Variants in ERC2 observed in about 807,000 individuals in gnomAD.
The protein encoded by ERC2 is ELKS/RAB6-interacting/CAST family member 2.
ERC2 carries 42 observed loss-of-function variants against 114.8 expected under a neutral mutation model. The observed-to-expected ratio is 0.37, with a 90% confidence interval of 0.29 to 0.47. ERC2 has a LOEUF of 0.47. Among genes scored for constraint, ERC2 ranks in the 20% least tolerant of loss-of-function variants. The probability of loss-of-function intolerance (pLI) is 0.99; values close to 1 mark genes in which losing one functional copy is unlikely to be tolerated. For missense variants in ERC2, 939 were observed against 1,150.7 expected, an observed-to-expected ratio of 0.82 and a Z score of 2.66; for synonymous variants, 454 against 425.5, an observed-to-expected ratio of 1.07 and a Z score of -0.82.
At chr3:55,769,543 A>C (rs182607787) in intron 14 of ERC2, among the ~76,000 whole-genome samples, 1 of 152,278 alleles carries the variant, frequency 6.6e-6, no homozygotes, top group Non-Finnish European at 1.5e-5. Flanking sequence ...AGACGATGTT[A>C]GATAATGAAT....
Position 56,173,528 on chromosome 3 carries a change from G to A in ERC2, c.1075-8C>T, listed in dbSNP as rs771492432. On this transcript the variant is annotated splice_region_variant and splice_polypyrimidine_tract_variant and intron_variant, in intron 3 of 17. Coordinates refer to ENST00000288221, the MANE Select transcript of ERC2 (RefSeq NM_015576.3). The stretch of plus-strand genomic sequence containing the variant: ...GCTTCTTCGGTGCAATTCCTGGGGA[G>A]GAACACGATAGAAATAAGCCTGACG... The A allele has an allele frequency of 6.2e-7, 1 of 1,613,458 alleles. No individual in the cohort carries two copies. Among genetic ancestry groups the A allele is most frequent in the South Asian group, 1.1e-5 (1 of 91,060 alleles).
At chr3:55,875,884 AG>A (rs1282822607) in intron 14 of ERC2, among the ~76,000 whole-genome samples, 1 of 152,118 alleles carries the variant, frequency 6.6e-6, no homozygotes, top group Non-Finnish European at 1.5e-5. Flanking sequence ...GGGATAGGAA[AG>A]GGGGAAAAAA....
chr3:55,777,132 TC>T (rs2149041365), intron 14 of ERC2, among the ~76,000 whole-genome samples: 1 of 152,272 alleles, frequency 6.6e-6, no homozygotes, highest in East Asian at 1.9e-4. Context: ...ATATGATTTC[TC>T]CTCAGGGACA....
At chr3:55,548,280 T>C (rs2054899837) in intron 17 of ERC2, among the ~76,000 whole-genome samples, 1 of 152,264 alleles carries the variant, frequency 6.6e-6, no homozygotes, top group Non-Finnish European at 1.5e-5. Context: ...AAGGACCTAG[T>C]GCTCGTCTCC....
chr3:55,740,359 G>A (rs1026098310), intron 14 of ERC2, among the ~76,000 whole-genome samples: 2 of 151,514 alleles, frequency 1.3e-5, no homozygotes, highest in Non-Finnish European at 2.9e-5. Flanking sequence ...GTTTTATTTT[G>A]TTTTGCTTTT....
At position 55,540,476 on chromosome 3, in the gene ERC2, G is replaced by A. The variant is rs544431413; in HGVS notation, c.*40-29200C>T. Among the ~76,000 whole-genome samples, 40 of 152,326 alleles carry A rather than the reference G, an allele frequency of 2.6e-4. No individual in the cohort carries two copies. The South Asian group carries it at 8.3e-3, about 32-fold the overall frequency. On this transcript the variant is annotated intron_variant, in intron 17 of 17. Transcript: ENST00000288221. ...AAAGTATGGATGCTGAGATGGCTAGGGAATAGAGGTAAGAAATGGTCTATG... is the reference window on the plus strand; with the variant it reads ...AAAGTATGGATGCTGAGATGGCTAGAGAATAGAGGTAAGAAATGGTCTATG...
Position 55,828,269 on chromosome 3 carries a change from G to A in ERC2, c.2564+60120C>T, listed in dbSNP as rs541338295. ...TAAACATTCCGGACAAAATACAAACGCAAATTCCTGAAGGCTCCAAAAGTG... is the reference window on the plus strand; with the variant it reads ...TAAACATTCCGGACAAAATACAAACACAAATTCCTGAAGGCTCCAAAAGTG... On this transcript the variant is annotated intron_variant, in intron 14 of 17. Transcript: ENST00000288221. Among the ~76,000 whole-genome samples, 36 of 152,192 alleles carry A rather than the reference G, an allele frequency of 2.4e-4. 1 individual carries two copies. The highest frequency in any genetic ancestry group is 5.8e-4 in the East Asian group (3 of 5,168).
chr3:56,195,856 C>A (rs1393445085), intron 3 of ERC2, among the ~76,000 whole-genome samples: 1 of 151,770 alleles, frequency 6.6e-6, no homozygotes, highest in Non-Finnish European at 1.5e-5. Flanking sequence ...TAGGTCAATA[C>A]CATACATGCT....
intron 14 of ERC2, among the ~76,000 whole-genome samples, chr3:55,757,718 A>G (rs533611467): frequency 7.2e-4 from 109 of 152,280 alleles, no homozygotes; most frequent in African/African-American, 2.5e-3. Flanking sequence ...TTATAAACCT[A>G]TAAATATTGT....
intron 3 of ERC2, among the ~76,000 whole-genome samples, chr3:56,190,686 A>G (rs1316739476): frequency 3.3e-5 from 5 of 151,806 alleles, no homozygotes; most frequent in Non-Finnish European, 7.4e-5. Context: ...TGATCCTCCC[A>G]CCTCAGTGTC....
chr3:56,032,751 C>A (rs2074444756), intron 7 of ERC2, among the ~76,000 whole-genome samples: 1 of 151,476 alleles, frequency 6.6e-6, no homozygotes, highest in African/African-American at 2.4e-5. Context: ...GTACTACCAG[C>A]TAGCTACTTG....
intron 7 of ERC2, among the ~76,000 whole-genome samples, chr3:56,056,389 C>T (rs1469215998): frequency 1.3e-5 from 2 of 152,120 alleles, no homozygotes; most frequent in Non-Finnish European, 2.9e-5. Flanking sequence ...ACAGGAGAAA[C>T]CTACTTCTCA....
At chr3:56,207,054 C>T (rs928823503) in intron 3 of ERC2, among the ~76,000 whole-genome samples, 3 of 151,992 alleles carry the variant, frequency 2.0e-5, no homozygotes, top group Non-Finnish European at 2.9e-5. Context: ...ATTTAGAATA[C>T]GAGAAACATG....
At chr3:56,240,212 G>A (rs1366340251) in intron 3 of ERC2, among the ~76,000 whole-genome samples, 1 of 152,120 alleles carries the variant, frequency 6.6e-6, no homozygotes, top group African/African-American at 2.4e-5. Context: ...TCTTCACCAG[G>A]CCACAGAATT....
intron 6 of ERC2, among the ~76,000 whole-genome samples, chr3:56,095,732 C>G (rs2078027562): frequency 6.6e-6 from 1 of 152,044 alleles, no homozygotes; most frequent in African/African-American, 2.4e-5. Context: ...GCCCAGAGCT[C>G]CCAGAAAATT....
At chr3:56,373,501 C>T (rs2150595396) in intron 2 of ERC2, among the ~76,000 whole-genome samples, 1 of 152,316 alleles carries the variant, frequency 6.6e-6, no homozygotes, top group Non-Finnish European at 1.5e-5. Context: ...ATACTTAAGG[C>T]TCAACAGGGG....
At chr3:55,972,635 C>T (rs912664199) in intron 12 of ERC2, among the ~76,000 whole-genome samples, 2 of 152,190 alleles carry the variant, frequency 1.3e-5, no homozygotes, top group Non-Finnish European at 2.9e-5. Flanking sequence ...CATAGTATTC[C>T]ATGGTGTATA....
At chr3:56,370,801 G>A (rs2059337915) in intron 2 of ERC2, among the ~76,000 whole-genome samples, 2 of 151,998 alleles carry the variant, frequency 1.3e-5, no homozygotes, top group Admixed American at 6.6e-5. Flanking sequence ...CACCATGTTG[G>A]CAGGCTGGTC....
At chr3:55,722,108 A>T (rs967692109) in intron 15 of ERC2, among the ~76,000 whole-genome samples, 1 of 152,050 alleles carries the variant, frequency 6.6e-6, no homozygotes, top group Non-Finnish European at 1.5e-5. Context: ...TTTTTGCCCA[A>T]TTCCATTCCC....
Sources: allele counts gnomAD v4.1 joint callset (sites outside exome capture counted in the v4.1 genomes callset), GRCh38; gene constraint gnomAD v4.1.1; transcripts MANE v1.5; gene names NCBI Gene and HGNC (gene_info 2026-07-23, HGNC 2026-07-21).